Variants in ANKRD44 observed in about 807,000 individuals in gnomAD.
ANKRD44 encodes serine/threonine-protein phosphatase 6 regulatory ankyrin repeat subunit B.
In ANKRD44, 35 loss-of-function variants were observed where a neutral mutation model predicts 116.0. The observed-to-expected ratio is 0.30, with a 90% CI of 0.23 to 0.40. The LOEUF is 0.40. ANKRD44 is among the 10% of genes least tolerant of loss of function. The probability of loss-of-function intolerance (pLI) is 1.00; values close to 1 mark genes in which losing one functional copy is unlikely to be tolerated. For missense variants in ANKRD44, 1,014 were observed against 1,242.6 expected (o/e 0.82, Z 2.77); for synonymous variants, 435 against 461.8 (o/e 0.94, Z 0.74).
intron 1 of ANKRD44, among the ~76,000 whole-genome samples, chr2:197,202,070 G>A (rs1161004797): frequency 6.6e-6 from 1 of 152,254 alleles, no homozygotes; most frequent in African/African-American, 2.4e-5. Flanking sequence ...AGTGGACTTG[G>A]TGAAAGGCAG....
At chr2:197,146,589 A>G (rs765682825) in intron 3 of ANKRD44, among the ~76,000 whole-genome samples, 2 of 150,384 alleles carry the variant, frequency 1.3e-5, no homozygotes, top group African/African-American at 5.0e-5. Flanking sequence ...TAGTGTATAC[A>G]TGCTATACAT....
chr2:197,050,734 A>G (rs970172317), intron 16 of ANKRD44, among the ~76,000 whole-genome samples: 2 of 151,954 alleles, frequency 1.3e-5, no homozygotes, highest in African/African-American at 4.8e-5. Flanking sequence ...AAAATTCACA[A>G]TATCTTTTAT....
intron 16 of ANKRD44, among the ~76,000 whole-genome samples, chr2:197,044,346 G>C (rs1424075436): frequency 6.6e-6 from 1 of 152,060 alleles, no homozygotes; most frequent in African/African-American, 2.4e-5. Context: ...AAGGGTGCCT[G>C]GCATTTATTT....
intron 16 of ANKRD44, among the ~76,000 whole-genome samples, chr2:197,040,376 C>CTA: frequency 8.2e-6 from 1 of 122,684 alleles, no homozygotes; most frequent in South Asian, 2.5e-4. Context: ...GGAGGTAAGC[C>CTA]TTTTTTTTTT....
chr2:197,210,250 G>A (rs923313930), intron 1 of ANKRD44, among the ~76,000 whole-genome samples: 2 of 152,220 alleles, frequency 1.3e-5, no homozygotes, highest in African/African-American at 2.4e-5. Flanking sequence ...TGAATCCAAT[G>A]CTGGGCTTGA....
At chr2:196,968,296 C>T (rs1353821983) in intron 21 of ANKRD44, among the ~76,000 whole-genome samples, 1 of 152,154 alleles carries the variant, frequency 6.6e-6, no homozygotes, top group Admixed American at 6.5e-5. Flanking sequence ...CTGAAATTGG[C>T]TCCAGGAATG....
chr2:196,974,190 C>T (rs2125860281), intron 21 of ANKRD44, among the ~76,000 whole-genome samples: 1 of 152,212 alleles, frequency 6.6e-6, no homozygotes, highest in South Asian at 2.1e-4. Flanking sequence ...TTAAGCAATC[C>T]TCCCTGCTCA....
intron 16 of ANKRD44, among the ~76,000 whole-genome samples, chr2:197,040,122 T>A (rs1170472534): frequency 6.6e-6 from 1 of 151,728 alleles, no homozygotes; most frequent in Admixed American, 6.6e-5. Flanking sequence ...ACCTATAGTC[T>A]CAGCTACTCA....
intron 2 of ANKRD44, among the ~76,000 whole-genome samples, chr2:197,186,647 T>TTTTTTTTTTC (rs2080678084): frequency 1.1e-5 from 1 of 90,172 alleles, no homozygotes. Flanking sequence ...TTTTTTTTTT[T>TTTTTTTTTTC]AGAGACAGAG....
intron 9 of ANKRD44, among the ~76,000 whole-genome samples, chr2:197,106,153 G>A (rs1223926956): frequency 2.0e-5 from 3 of 152,032 alleles, no homozygotes; most frequent in Non-Finnish European, 2.9e-5. Context: ...TAAAAATATA[G>A]ATAACTGGCC....
chr2:197,015,876 T>C, intron 17 of ANKRD44: 1 of 515,458 alleles, frequency 1.9e-6, no homozygotes, highest in South Asian at 1.6e-5. Flanking sequence ...ATAATGATTC[T>C]GGAAATTATA....
intron 14 of ANKRD44, among the ~76,000 whole-genome samples, chr2:197,082,126 C>T (rs1207447863): frequency 2.6e-5 from 4 of 152,184 alleles, no homozygotes; most frequent in African/African-American, 9.7e-5. Flanking sequence ...ATTCACCCTT[C>T]GTCTGCCAGA....
chr2:197,001,649 G>T, intron 22 of ANKRD44, 104 bp downstream of exon 22: 1 of 735,554 alleles, frequency 1.4e-6, no homozygotes. Context: ...GAATATTTCA[G>T]TCTTATCTGT....
At chr2:197,000,734 C>T (rs1247443264) in intron 22 of ANKRD44, among the ~76,000 whole-genome samples, 3 of 152,160 alleles carry the variant, frequency 2.0e-5, no homozygotes, top group Non-Finnish European at 4.4e-5. Context: ...CCATGTTAGG[C>T]GTTTTGGAGA....
At chr2:197,287,055 G>T (rs1036042554) in intron 1 of ANKRD44, among the ~76,000 whole-genome samples, 3 of 152,040 alleles carry the variant, frequency 2.0e-5, no homozygotes, top group Admixed American at 1.3e-4. Flanking sequence ...CCCACAGAAC[G>T]TACAACACCA....
At chr2:197,231,301 G>A (rs961859560) in intron 1 of ANKRD44, among the ~76,000 whole-genome samples, 3 of 152,124 alleles carry the variant, frequency 2.0e-5, no homozygotes, top group Non-Finnish European at 4.4e-5. Flanking sequence ...GTGGTGGTGT[G>A]TATCTATAGT....
chr2:197,109,362 T>G (rs1657999718), intron 9 of ANKRD44, among the ~76,000 whole-genome samples: 1 of 152,238 alleles, frequency 6.6e-6, no homozygotes, highest in African/African-American at 2.4e-5. Context: ...TAGCACATAT[T>G]TCAAATTAGA....
rs1032348498 is a variant in ANKRD44 at position 197,203,971 on chromosome 2, G to A, written c.28-16865C>T. ...GATCGGGAGGGAACGGGAAGTGACTGCTTCATGGATACAGAGTTTCATTTG... is the reference window on the plus strand; with the variant it reads ...GATCGGGAGGGAACGGGAAGTGACTACTTCATGGATACAGAGTTTCATTTG... On this transcript the variant is annotated intron_variant, in intron 1 of 27. Transcript: ENST00000282272. This position sits in a 1 kb window ranked among gnomAD's most constrained non-coding sequence, Gnocchi z 4.1. Among the ~76,000 whole-genome samples, 1 of 152,182 alleles carries A rather than the reference G, an allele frequency of 6.6e-6. No homozygotes were observed. The highest frequency in any genetic ancestry group is 1.5e-5 in the Non-Finnish European group (1 of 68,036).
intron 1 of ANKRD44, among the ~76,000 whole-genome samples, chr2:197,220,633 A>T (rs2081562855): frequency 6.6e-6 from 1 of 152,090 alleles, no homozygotes; most frequent in South Asian, 2.1e-4. Flanking sequence ...GGCTGATTAT[A>T]TTTCTGGGGG....
Sources: allele counts gnomAD v4.1 joint callset (sites outside exome capture counted in the v4.1 genomes callset), GRCh38; gene constraint gnomAD v4.1.1; non-coding constraint Gnocchi (gnomAD v3.1); transcripts MANE v1.5; gene names NCBI Gene and HGNC (gene_info 2026-07-23, HGNC 2026-07-21).